The following SCFD2 variants were observed in gnomAD, a reference collection of about 807,000 sequenced individuals.
SCFD2 encodes the protein sec1 family domain-containing protein 2.
SCFD2 carries 54 observed loss-of-function variants against 58.9 expected under a neutral mutation model. The observed-to-expected ratio is 0.92, with a 90% CI of 0.74 to 1.15. The LOEUF (loss-of-function observed/expected upper bound fraction) is 1.15, where lower values mean the gene tolerates loss of function less well. Ranked by LOEUF, SCFD2 falls within the 50% of genes most tolerant of loss-of-function variation. The pLI, the probability that SCFD2 is intolerant of heterozygous loss-of-function variation, is 0.00. For synonymous variants in SCFD2, 321 were observed against 335.9 expected, an observed-to-expected ratio of 0.96 and a Z score of 0.49; for missense variants, 805 against 836.6, an observed-to-expected ratio of 0.96 and a Z score of 0.47.
chr4:53,052,566 C>T (rs571020887), intron 5 of SCFD2, among the ~76,000 whole-genome samples: 4 of 152,238 alleles, frequency 2.6e-5, no homozygotes, highest in African/African-American at 7.2e-5. Context: ...GAGATGTTTG[C>T]GATCTTAAAT....
chr4:52,919,419 T>C (rs745365119), intron 6 of SCFD2, among the ~76,000 whole-genome samples: 21 of 152,350 alleles, frequency 1.4e-4, no homozygotes, highest in Non-Finnish European at 2.2e-4. Context: ...TGATTTTATC[T>C]GTATTTTGTC....
intron 5 of SCFD2, among the ~76,000 whole-genome samples, chr4:53,056,188 G>A (rs1388960365): frequency 6.6e-6 from 1 of 150,830 alleles, no homozygotes; most frequent in Non-Finnish European, 1.5e-5. Flanking sequence ...ACATTGACAG[G>A]CCTAGAAAAA....
intron 3 of SCFD2, among the ~76,000 whole-genome samples, chr4:53,285,471 T>C (rs891995756): frequency 1.3e-5 from 2 of 152,044 alleles, no homozygotes; most frequent in African/African-American, 4.8e-5. Flanking sequence ...CTGCTAGCCA[T>C]ATTATCATGT....
intron 3 of SCFD2, among the ~76,000 whole-genome samples, chr4:53,293,131 G>A (rs527898476): frequency 1.3e-5 from 2 of 152,220 alleles, no homozygotes; most frequent in Admixed American, 1.3e-4. Context: ...CCATAAAAAG[G>A]AATGAGATCA....
chr4:52,878,849 A>G (rs1437024622), intron 8 of SCFD2, among the ~76,000 whole-genome samples: 2 of 152,126 alleles, frequency 1.3e-5, no homozygotes, highest in African/African-American at 4.8e-5. Flanking sequence ...TTTTCTCTGC[A>G]TTTTCTAAAA....
At chr4:53,135,407 T>C (rs952680523) in intron 5 of SCFD2, among the ~76,000 whole-genome samples, 1 of 152,230 alleles carries the variant, frequency 6.6e-6, no homozygotes, top group Non-Finnish European at 1.5e-5. Context: ...TCTTGAGAGA[T>C]GGCAATACCA....
At chr4:53,193,209 A>G (rs1195748483) in intron 4 of SCFD2, among the ~76,000 whole-genome samples, 1 of 152,170 alleles carries the variant, frequency 6.6e-6, no homozygotes. Context: ...ATTCATCTGT[A>G]AAGGAAACTA....
At position 53,213,650 on chromosome 4, in the gene SCFD2, C is replaced by T. The variant is rs1473567077; in HGVS notation, c.1311+60176G>A. On this transcript the variant is annotated intron_variant, in intron 4 of 8. Transcript: ENST00000401642. Reference sequence around the variant, plus strand: ...TTCTCATTCATTTAATAATGCCATACGGTTCTTTCATTTATTTATTTTTTT... The same window carrying T: ...TTCTCATTCATTTAATAATGCCATATGGTTCTTTCATTTATTTATTTTTTT... Among the ~76,000 whole-genome samples the T allele has an allele frequency of 6.6e-5, 10 of 152,036 alleles. No homozygotes were observed. In the South Asian group the frequency reaches 8.3e-4, roughly 13 times the overall value.
At chr4:53,351,442 A>G (rs1734217365) in intron 2 of SCFD2, among the ~76,000 whole-genome samples, 1 of 152,212 alleles carries the variant, frequency 6.6e-6, no homozygotes, top group African/African-American at 2.4e-5. Context: ...TCTTAACTTC[A>G]TATCATTTCT....
intron 8 of SCFD2, among the ~76,000 whole-genome samples, chr4:52,884,501 G>C (rs1471720594): frequency 6.6e-6 from 1 of 152,186 alleles, no homozygotes; most frequent in East Asian, 1.9e-4. Context: ...GGGGCCACCA[G>C]TGGACCGCGC....
chr4:53,122,697 C>T (rs1289757348), intron 5 of SCFD2, among the ~76,000 whole-genome samples: 1 of 152,110 alleles, frequency 6.6e-6, no homozygotes, highest in African/African-American at 2.4e-5. Flanking sequence ...TCACATAAGT[C>T]AGTTCACCTC....
At chr4:53,029,709 G>A (rs570940518) in intron 5 of SCFD2, among the ~76,000 whole-genome samples, 46 of 152,182 alleles carry the variant, frequency 3.0e-4, no homozygotes, top group Non-Finnish European at 5.7e-4. Context: ...TTTGATAAAT[G>A]TGCAAAGGCA....
chr4:53,109,350 T>A (rs532224992), intron 5 of SCFD2, among the ~76,000 whole-genome samples: 49 of 152,256 alleles, frequency 3.2e-4, no homozygotes, highest in African/African-American at 1.2e-3. Flanking sequence ...CAACATAATA[T>A]TGGAAGTTCT....
chr4:53,226,586 T>C (rs573312615), intron 4 of SCFD2, among the ~76,000 whole-genome samples: 3 of 152,292 alleles, frequency 2.0e-5, no homozygotes, highest in Non-Finnish European at 2.9e-5. Context: ...AGGAAATTTT[T>C]AATGAACACG....
chr4:53,250,958 T>A (rs1275415321), intron 4 of SCFD2, among the ~76,000 whole-genome samples: 1 of 152,192 alleles, frequency 6.6e-6, no homozygotes, highest in African/African-American at 2.4e-5. Context: ...ATCCAGGAGC[T>A]GGTTTTTTGA....
intron 5 of SCFD2, among the ~76,000 whole-genome samples, chr4:53,026,591 C>T (rs976912007): frequency 6.6e-6 from 1 of 152,146 alleles, no homozygotes; most frequent in Non-Finnish European, 1.5e-5. Context: ...ATCTTGCCAG[C>T]TAGGGACATG....
intron 4 of SCFD2, among the ~76,000 whole-genome samples, chr4:53,187,699 CAAT>C (rs1386685733): frequency 6.6e-6 from 1 of 151,734 alleles, no homozygotes; most frequent in East Asian, 1.9e-4. Context: ...AAAACAACAA[CAAT>C]AACAAAATGT....
chr4:53,074,998 A>T (rs1279225682), intron 5 of SCFD2, among the ~76,000 whole-genome samples: 1 of 152,204 alleles, frequency 6.6e-6, no homozygotes, highest in East Asian at 1.9e-4. Context: ...ACCTATGAAA[A>T]GTCCTAGATG....
intron 4 of SCFD2, among the ~76,000 whole-genome samples, chr4:53,230,366 C>A (rs1729394858): frequency 6.6e-6 from 1 of 152,072 alleles, no homozygotes; most frequent in African/African-American, 2.4e-5. Context: ...AGACTTGGAA[C>A]CAACCCAAAT....
Sources: gnomAD v4.1 joint callset for allele counts (sites outside exome capture counted in the v4.1 genomes callset) on GRCh38, gnomAD v4.1.1 for gene constraint, MANE v1.5 for transcripts, NCBI Gene and HGNC (gene_info 2026-07-23, HGNC 2026-07-21) for gene names.